Variants in BOLA3 observed in about 807,000 individuals in gnomAD.
BOLA3 encodes bolA family member 3.
BOLA3 carries 8 observed loss-of-function variants against 14.5 expected under a neutral mutation model. The ratio of observed to expected loss-of-function variants is 0.55; its 90% CI spans 0.32 to 0.99. BOLA3 has a LOEUF of 0.99. Ranked by LOEUF, BOLA3 falls within the 50% of genes least tolerant of loss-of-function variation. The pLI is 0.04. For missense variants in BOLA3, 115 were observed against 138.2 expected (o/e 0.83, Z 0.84); for synonymous variants, 42 against 45.7 (o/e 0.92, Z 0.33).
chr2:74,135,775 A>G (rs1416244264), intron 3 of BOLA3, 117 bp from the exon 4 acceptor site: 30 of 814,528 alleles, frequency 3.7e-5, no homozygotes, highest in Non-Finnish European at 5.1e-5. Flanking sequence ...TGCTTTGTTT[A>G]AGCAATTTTT....
At chr2:74,145,342 A>G in intron 1 of BOLA3, 39 bp from the exon 2 acceptor site, 2 of 1,242,430 alleles carry the variant, frequency 1.6e-6, no homozygotes, top group Non-Finnish European at 2.4e-6. Flanking sequence ...GCAGAGGAAG[A>G]TGCTGTTGCC....
At chr2:74,140,285 G>A (rs1199409930) in intron 3 of BOLA3, among the ~76,000 whole-genome samples, 1 of 151,720 alleles carries the variant, frequency 6.6e-6, no homozygotes, top group African/African-American at 2.4e-5. Flanking sequence ...CTCTGTGGGA[G>A]GGAAAAAAAA....
intron 1 of BOLA3, chr2:74,147,607 T>C (rs960832319): frequency 3.2e-6 from 2 of 617,414 alleles, no homozygotes; most frequent in African/African-American, 1.9e-5. Flanking sequence ...GGAGCTCCCC[T>C]AGAGCGCGCC....
intron 3 of BOLA3, among the ~76,000 whole-genome samples, chr2:74,141,472 C>T (rs898679070): frequency 2.6e-5 from 4 of 151,882 alleles, no homozygotes; most frequent in Admixed American, 2.0e-4. Flanking sequence ...GCAACCCAGG[C>T]AGAAGGTCCA....
At chr2:74,147,376 T>G (rs1323516871) in intron 1 of BOLA3, 2 of 237,802 alleles carry the variant, frequency 8.4e-6, no homozygotes, top group Non-Finnish European at 1.6e-5. Flanking sequence ...CTGCTTGGGT[T>G]CTGCTCCGGT....
At chr2:74,142,660 G>A (rs1692459141) in intron 2 of BOLA3, among the ~76,000 whole-genome samples, 1 of 152,162 alleles carries the variant, frequency 6.6e-6, no homozygotes, top group South Asian at 2.1e-4. Flanking sequence ...AGTGTAGAGT[G>A]TTTCCTTTCA....
intron 3 of BOLA3, among the ~76,000 whole-genome samples, chr2:74,139,085 G>C (rs920148497): frequency 1.3e-5 from 2 of 152,296 alleles, no homozygotes; most frequent in African/African-American, 4.8e-5. Flanking sequence ...CCCTGGGAGA[G>C]GCTGAGCCCC....
chr2:74,140,602 C>G (rs1692421523), intron 3 of BOLA3, among the ~76,000 whole-genome samples: 1 of 152,134 alleles, frequency 6.6e-6, no homozygotes, highest in Non-Finnish European at 1.5e-5. Flanking sequence ...TATAGGGGGC[C>G]AGAAGACACC....
intron 1 of BOLA3, chr2:74,147,495 C>T (rs770467258): frequency 2.5e-4 from 95 of 385,070 alleles, no homozygotes; most frequent in Non-Finnish European, 4.3e-4. Context: ...GCTATGACTC[C>T]TGTCTTCTGC....
chr2:74,143,410 C>T (rs1371937008), intron 2 of BOLA3, among the ~76,000 whole-genome samples: 1 of 152,172 alleles, frequency 6.6e-6, no homozygotes. Flanking sequence ...CCACCCGCCT[C>T]GGCCTCCCAA....
rs747762311 is a variant in BOLA3, at chr2:74,142,349, C to T, written c.181G>A (p.Ala61Thr). 9 of 1,612,128 alleles carry T rather than the reference C, an allele frequency of 5.6e-6. No individual in the cohort carries two copies. Among genetic ancestry groups the T allele is most frequent in the African/African-American group, 1.3e-5 (1 of 75,008 alleles). ...GATTCAATTTTAATTTCATACATCG[C>T]CCCACAACCTCCTAAAATAAACATG... Reference protein sequence around the residue: ...KVTDISGGCGAMYEIKIESEE... With the variant: ...KVTDISGGCGTMYEIKIESEE... The change falls in exon 3 of 4, where the codon GCG (alanine) becomes ACG (threonine). Residue 61 changes from alanine (A) to threonine (T), a missense_variant. Ala to Thr is a moderately conservative substitution (Grantham distance 58, BLOSUM62 0). Coordinates refer to ENST00000327428, the MANE Select transcript of BOLA3 (RefSeq NM_212552.3).
chr2:74,141,067 C>A (rs1667606), intron 3 of BOLA3, among the ~76,000 whole-genome samples: 6 of 151,700 alleles, frequency 4.0e-5, no homozygotes, highest in Non-Finnish European at 8.8e-5. Context: ...CAAAGTGCCA[C>A]GGGTTGGGGA....
intron 1 of BOLA3, chr2:74,146,311 G>A (rs1692544612): frequency 6.6e-6 from 1 of 152,242 alleles, no homozygotes; most frequent in Non-Finnish European, 1.5e-5. Context: ...CCATGTTTCT[G>A]ATGGAACACG....
At chr2:74,147,648 T>C in intron 1 of BOLA3, 173 bp downstream of exon 1, 2 of 690,780 alleles carry the variant, frequency 2.9e-6, no homozygotes, top group Non-Finnish European at 4.9e-6. Context: ...CCGTTGTCGC[T>C]GAGTGAATGA....
chr2:74,145,265 C>G lies in BOLA3; in HGVS notation c.93G>C (p.Glu31Asp), dbSNP rs200756528. The G allele has an allele frequency of 1.7e-5, 28 of 1,612,266 alleles. No homozygotes were observed. Among genetic ancestry groups the G allele is most frequent in the Middle Eastern group, 3.3e-4 (2 of 6,060 alleles). ...GAATTTGGGTCACTCTGAGCTCCCC[C>G]TCAGTCTGAGTGGCAAACATCCGAT... Reference protein sequence around the residue: ...LHHRMFATQTEGELRVTQILK... With the variant: ...LHHRMFATQTDGELRVTQILK... Residue 31 changes from glutamate to aspartate, a missense_variant, in exon 2 of 4, where the codon GAG (glutamate) becomes GAC (aspartate). Glu to Asp is a conservative substitution (Grantham distance 45). Transcript: ENST00000327428.
chr2:74,136,195 C>T (rs886196021), intron 3 of BOLA3, among the ~76,000 whole-genome samples: 1 of 152,184 alleles, frequency 6.6e-6, no homozygotes, highest in Non-Finnish European at 1.5e-5. Flanking sequence ...AGCAATCTGC[C>T]TGTCTTGGCT....
chr2:74,147,726 G>A, intron 1 of BOLA3, 95 bp downstream of exon 1: 10 of 1,300,374 alleles, frequency 7.7e-6, no homozygotes, highest in Middle Eastern at 2.6e-4. Flanking sequence ...CGCGCCCTCC[G>A]GGAGCCAGTC....
intron 3 of BOLA3, among the ~76,000 whole-genome samples, chr2:74,137,084 T>G (rs565537372): frequency 1.3e-5 from 2 of 152,368 alleles, no homozygotes; most frequent in South Asian, 4.1e-4. Flanking sequence ...TCTAGTCTCT[T>G]TAGTGATCTC....
intron 3 of BOLA3, among the ~76,000 whole-genome samples, chr2:74,136,426 C>T (rs193012739): frequency 3.3e-5 from 5 of 152,278 alleles, no homozygotes; most frequent in African/African-American, 7.2e-5. Context: ...AATATAAATT[C>T]GTAAACTTTC....
Sources: gnomAD v4.1 joint callset for allele counts (sites outside exome capture counted in the v4.1 genomes callset) on GRCh38, gnomAD v4.1.1 for gene constraint, MANE v1.5 for transcripts, NCBI Gene and HGNC (gene_info 2026-07-23, HGNC 2026-07-21) for gene names.